The following RBFOX1 variants were observed in gnomAD, a reference collection of about 807,000 sequenced individuals.
RBFOX1 encodes RNA binding protein fox-1 homolog 1.
In RBFOX1, 8 loss-of-function variants were observed where a neutral mutation model predicts 57.7. The observed-to-expected ratio is 0.14, with a 90% CI of 0.08 to 0.25. RBFOX1 has a LOEUF of 0.25. RBFOX1 is among the 10% of genes least tolerant of loss of function. The probability of loss-of-function intolerance (pLI) is 1.00; values close to 1 mark genes in which losing one functional copy is unlikely to be tolerated. For synonymous variants in RBFOX1, 326 were observed against 222.4 expected, an observed-to-expected ratio of 1.47 and a Z score of -4.15; for missense variants, 611 against 548.5, an observed-to-expected ratio of 1.11 and a Z score of -1.14.
At chr16:5,945,593 A>G (rs1159272511) in intron 4 of RBFOX1, among the ~76,000 whole-genome samples, 2 of 152,226 alleles carry the variant, frequency 1.3e-5, no homozygotes, top group Non-Finnish European at 2.9e-5. Flanking sequence ...ACTGAGCCTC[A>G]GAGAGATTAA....
chr16:7,059,765 G>T (rs1037213044), intron 4 of RBFOX1, among the ~76,000 whole-genome samples: 1 of 152,178 alleles, frequency 6.6e-6, no homozygotes, highest in Non-Finnish European at 1.5e-5. Flanking sequence ...ACCCGTTGCA[G>T]TGTCTGCTTG....
chr16:7,366,550 A>C (rs921309180), intron 4 of RBFOX1, among the ~76,000 whole-genome samples: 1 of 152,116 alleles, frequency 6.6e-6, no homozygotes, highest in Non-Finnish European at 1.5e-5. Flanking sequence ...TGGTCCAACC[A>C]TGGAGGCTGC....
rs1600772987 is a variant in RBFOX1 at position 6,589,908 on chromosome 16, C to G, written c.-63-64695C>G. 5.3e-5 allele frequency among the ~76,000 whole-genome samples: 8 copies of G among 152,150 alleles called. No individual in the cohort carries two copies. In the South Asian group the frequency reaches 1.7e-3, roughly 32 times the overall value. On this transcript the variant is annotated intron_variant, in intron 2 of 15. Coordinates refer to ENST00000550418, the MANE Select transcript of RBFOX1 (RefSeq NM_018723.4). Reference sequence around the variant, plus strand: ...TCCTCAGCTATAATTTTTACACAGGCAGTTTCAACTCCACCTGTAGCTACA... The same window carrying G: ...TCCTCAGCTATAATTTTTACACAGGGAGTTTCAACTCCACCTGTAGCTACA...
At chr16:6,645,103 T>C (rs553141729) in intron 2 of RBFOX1, among the ~76,000 whole-genome samples, 3 of 152,280 alleles carry the variant, frequency 2.0e-5, no homozygotes, top group Admixed American at 6.5e-5. Flanking sequence ...TAGCTTAGTG[T>C]CACATGACTT....
intron 1 of RBFOX1, among the ~76,000 whole-genome samples, chr16:6,273,386 C>T (rs1165531998): frequency 7.1e-6 from 1 of 141,044 alleles, no homozygotes; most frequent in Non-Finnish European, 1.5e-5. Context: ...CTGTTGTTGC[C>T]CAGGCTGGAG....
At chr16:6,133,440 A>G (rs571565388) in intron 1 of RBFOX1, among the ~76,000 whole-genome samples, 1 of 152,146 alleles carries the variant, frequency 6.6e-6, no homozygotes, top group Non-Finnish European at 1.5e-5. Flanking sequence ...TACCACTTAC[A>G]TTCCCTGCCT....
intron 2 of RBFOX1, among the ~76,000 whole-genome samples, chr16:6,554,590 G>A (rs906486371): frequency 1.3e-5 from 2 of 152,090 alleles, no homozygotes; most frequent in African/African-American, 2.4e-5. Flanking sequence ...AAAGGTTTCC[G>A]CTTATTAAAT....
At chr16:5,855,631 A>T (rs1385617901) in intron 3 of RBFOX1, among the ~76,000 whole-genome samples, 1 of 152,052 alleles carries the variant, frequency 6.6e-6, no homozygotes, top group African/African-American at 2.4e-5. Flanking sequence ...GTTCCTTTGT[A>T]CTGTATTTCG....
chr16:6,126,263 C>T (rs891092468), intron 1 of RBFOX1, among the ~76,000 whole-genome samples: 2 of 152,218 alleles, frequency 1.3e-5, no homozygotes, highest in South Asian at 2.1e-4. Flanking sequence ...GCCAGCGCAT[C>T]GAGGAACAGT....
chr16:6,677,394 T>C (rs2057916313), intron 3 of RBFOX1, among the ~76,000 whole-genome samples: 1 of 152,210 alleles, frequency 6.6e-6, no homozygotes, highest in Non-Finnish European at 1.5e-5. Flanking sequence ...TATGTTTCTA[T>C]GGAGACTGGA....
At chr16:6,527,582 A>T (rs1022252377) in intron 2 of RBFOX1, among the ~76,000 whole-genome samples, 1 of 151,918 alleles carries the variant, frequency 6.6e-6, no homozygotes, top group Non-Finnish European at 1.5e-5. Context: ...ATTATTTAGG[A>T]CCCTCTAAAT....
At chr16:7,316,751 T>G (rs149870517) in intron 4 of RBFOX1, among the ~76,000 whole-genome samples, 1 of 151,130 alleles carries the variant, frequency 6.6e-6, no homozygotes, top group Non-Finnish European at 1.5e-5. Flanking sequence ...GGCAAGGAGG[T>G]GGGGTCAGGG....
intron 4 of RBFOX1, among the ~76,000 whole-genome samples, chr16:5,902,215 G>A (rs939413259): frequency 3.3e-5 from 5 of 151,932 alleles, no homozygotes; most frequent in Admixed American, 6.6e-5. Flanking sequence ...CATTAAGTAC[G>A]AATTAATGTT....
At chr16:7,564,588 G>A (rs115888098) in intron 5 of RBFOX1, among the ~76,000 whole-genome samples, 3,723 of 142,802 alleles carry the variant, frequency 0.026, 171 homozygotes, top group African/African-American at 0.094. Context: ...CTGCAAGCCA[G>A]GAAGAGGGCC....
At chr16:5,266,034 C>A (rs2062849083) in intron 1 of RBFOX1, among the ~76,000 whole-genome samples, 1 of 139,412 alleles carries the variant, frequency 7.2e-6, no homozygotes, top group Non-Finnish European at 1.6e-5. Context: ...TCTAAAGGCA[C>A]CAGGCTGATT....
At chr16:7,329,462 C>G (rs1049236405) in intron 4 of RBFOX1, among the ~76,000 whole-genome samples, 2 of 152,210 alleles carry the variant, frequency 1.3e-5, no homozygotes, top group African/African-American at 4.8e-5. Flanking sequence ...CTAGAGGAGG[C>G]TCCAAGAAGG....
At chr16:6,727,249 C>G (rs1048577014) in intron 3 of RBFOX1, among the ~76,000 whole-genome samples, 25 of 151,960 alleles carry the variant, frequency 1.6e-4, no homozygotes, top group African/African-American at 6.0e-4. Flanking sequence ...CTGGTGACTT[C>G]TAAAAGGTAA....
chr16:7,292,282 AT>A (rs1356820700), intron 4 of RBFOX1, among the ~76,000 whole-genome samples: 2 of 131,288 alleles, frequency 1.5e-5, no homozygotes, highest in African/African-American at 5.7e-5. Flanking sequence ...ATTATATATC[AT>A]ATATCATATA....
At chr16:6,388,116 A>T (rs1596460374) in intron 2 of RBFOX1, among the ~76,000 whole-genome samples, 1 of 150,312 alleles carries the variant, frequency 6.7e-6, no homozygotes, top group Non-Finnish European at 1.5e-5. Context: ...AGTAGCTGGG[A>T]CTACAGGTGC....
Sources: allele counts gnomAD v4.1 joint callset (sites outside exome capture counted in the v4.1 genomes callset), GRCh38; gene constraint gnomAD v4.1.1; transcripts MANE v1.5; gene names NCBI Gene and HGNC (gene_info 2026-07-23, HGNC 2026-07-21).